The following PDIK1L variants were observed in gnomAD, a reference collection of about 807,000 sequenced individuals.
PDIK1L encodes the protein serine/threonine-protein kinase PDIK1L.
In PDIK1L, 9 loss-of-function variants were observed where a neutral mutation model predicts 27.1. The observed-to-expected ratio is 0.33, with a 90% CI of 0.20 to 0.58. The LOEUF is 0.58. Ranked by LOEUF, PDIK1L falls within the 20% of genes least tolerant of loss-of-function variation. PDIK1L has a pLI of 0.86. For synonymous variants in PDIK1L, 130 were observed against 141.7 expected, an observed-to-expected ratio of 0.92 and a Z score of 0.59; for missense variants, 216 against 413.2, an observed-to-expected ratio of 0.52 and a Z score of 4.14.
chr1:26,121,064 C>T (rs187963782), intron 2 of PDIK1L, among the ~76,000 whole-genome samples: 1 of 150,620 alleles, frequency 6.6e-6, no homozygotes, highest in East Asian at 2.0e-4. Context: ...ATAATAATAA[C>T]AAATAAAACT....
intron 1 of PDIK1L, chr1:26,112,406 C>T (rs888420180): frequency 6.6e-6 from 1 of 152,302 alleles, no homozygotes; most frequent in African/African-American, 2.4e-5. Context: ...TCGGATGCAT[C>T]ATTGGATCCG....
At chr1:26,119,860 T>A (rs59978831) in intron 2 of PDIK1L, among the ~76,000 whole-genome samples, 25,067 of 149,418 alleles carry the variant, frequency 0.17, 2,226 homozygotes, top group Middle Eastern at 0.24. Flanking sequence ...TCTGTCTCAA[T>A]AAAAAAAAAA....
At chr1:26,111,439 G>T (rs538353445), upstream of PDIK1L, 1 of 152,010 alleles carries the variant, frequency 6.6e-6, no homozygotes, top group Middle Eastern at 3.2e-3. This position sits in a 1 kb window ranked among gnomAD's most constrained non-coding sequence, Gnocchi z 4.0. Flanking sequence ...GAAGGGGGCG[G>T]GTAGAGGGAG....
In PDIK1L at chr1:26,124,793, G is replaced by A. The variant is rs1407452102; in HGVS notation, c.*2216G>A. On this transcript the variant is annotated 3_prime_UTR_variant, in exon 3 of 3. Transcript: ENST00000374269. ...TTTGTCTTTGTTCTTTCAGTCAGAG[G>A]TATTTATTAAGTACCTACTGTGTGC... 6.6e-6 allele frequency: 1 copy of A among 152,106 alleles called. No individual in the cohort carries two copies. Among genetic ancestry groups the A allele is most frequent in the African/African-American group, 2.4e-5 (1 of 41,408 alleles). 9.4% of individuals were successfully genotyped at this position (152,106 alleles called of 1,614,324 possible).
rs954344364 is a variant in PDIK1L, at chr1:26,122,674, T to C, written c.*97T>C. ...AAAAAGAATATAAAAAGCTAGACTC[T>C]ACCCTCTAAGGGTTTAGATTTTTTG... On this transcript the variant is annotated 3_prime_UTR_variant, in exon 3 of 3. Transcript: ENST00000374269. This position sits in a 1 kb window ranked among gnomAD's most constrained non-coding sequence, Gnocchi z 5.4. The C allele has an allele frequency of 6.3e-6, 9 of 1,419,686 alleles. No individual in the cohort carries two copies. The African/African-American group carries it at 1.1e-4, about 18-fold the overall frequency. The allele number at this position is 1,419,686 out of a possible 1,614,324, so 87.9% of individuals were successfully genotyped here.
At position 26,124,610 on chromosome 1, in the gene PDIK1L, G is replaced by A. The variant is rs970284463; in HGVS notation, c.*2033G>A. On this transcript the variant is annotated 3_prime_UTR_variant, in exon 3 of 3. Coordinates refer to ENST00000374269, the MANE Select transcript of PDIK1L (RefSeq NM_152835.5). Reference sequence around the variant, plus strand: ...CGCATAGTTTTTGGTCCTGCCTCATGTAAAATAGTTAATGATTATCATTTA... The same window carrying A: ...CGCATAGTTTTTGGTCCTGCCTCATATAAAATAGTTAATGATTATCATTTA... 8 of 152,188 alleles carry A rather than the reference G, an allele frequency of 5.3e-5. No individual in the cohort carries two copies. Among genetic ancestry groups the A allele is most frequent in the African/African-American group, 1.7e-4 (7 of 41,452 alleles). The allele number at this position is 152,188 out of a possible 1,614,324, so 9.4% of individuals were successfully genotyped here. A position where few individuals can be genotyped will look rare whatever the true frequency, so the allele number is the denominator to read the frequency against.
intron 2 of PDIK1L, among the ~76,000 whole-genome samples, chr1:26,118,413 G>C (rs2087917785): frequency 6.6e-6 from 1 of 152,186 alleles, no homozygotes; most frequent in African/African-American, 2.4e-5. Flanking sequence ...AAAGTTTTAA[G>C]ATGTAAAGGC....
At chr1:26,113,914 G>C (rs2087840166) in intron 1 of PDIK1L, among the ~76,000 whole-genome samples, 1 of 152,154 alleles carries the variant, frequency 6.6e-6, no homozygotes, top group African/African-American at 2.4e-5. Flanking sequence ...TTCAGATCGT[G>C]GTCGTCTGAG....
intron 2 of PDIK1L, among the ~76,000 whole-genome samples, chr1:26,118,061 A>G (rs572789506): frequency 6.6e-6 from 1 of 152,112 alleles, no homozygotes; most frequent in African/African-American, 2.4e-5. Context: ...CTGTCTCAAA[A>G]AAAAAAAAAA....
rs2088049834 is a variant in PDIK1L at position 26,124,774 on chromosome 1, T to C, written c.*2197T>C. On this transcript the variant is annotated 3_prime_UTR_variant, in exon 3 of 3. Coordinates refer to ENST00000374269, the MANE Select transcript of PDIK1L (RefSeq NM_152835.5). The stretch of plus-strand genomic sequence containing the variant: ...GCAAAATGATAGTAAATTCTTTGTC[T>C]TTGTTCTTTCAGTCAGAGGTATTTA... 6.6e-6 allele frequency: 1 copy of C among 152,216 alleles called. No individual in the cohort carries two copies. Among genetic ancestry groups the C allele is most frequent in the Non-Finnish European group, 1.5e-5 (1 of 68,028 alleles). 9.4% of individuals were successfully genotyped at this position (152,216 alleles called of 1,614,324 possible).
chr1:26,112,131 C>T (rs2087807411), intron 1 of PDIK1L, among the ~76,000 whole-genome samples: 1 of 152,208 alleles, frequency 6.6e-6, no homozygotes, highest in Admixed American at 6.5e-5. Context: ...GGAGTTGAGG[C>T]AACTGCAGGG....
At chr1:26,113,696 G>A (rs767737254) in intron 1 of PDIK1L, among the ~76,000 whole-genome samples, 1 of 152,226 alleles carries the variant, frequency 6.6e-6, no homozygotes, top group Non-Finnish European at 1.5e-5. Context: ...TTAAGCATAA[G>A]CCAGGTGTTT....
At chr1:26,113,313 C>T (rs2087826942) in intron 1 of PDIK1L, among the ~76,000 whole-genome samples, 1 of 151,066 alleles carries the variant, frequency 6.6e-6, no homozygotes, top group Admixed American at 6.6e-5. Flanking sequence ...CACAGTGAAA[C>T]CCCGTCTCTA....
At chr1:26,118,292 GC>G (rs1463719761) in intron 2 of PDIK1L, among the ~76,000 whole-genome samples, 4 of 152,102 alleles carry the variant, frequency 2.6e-5, no homozygotes, top group Non-Finnish European at 2.9e-5. Flanking sequence ...CTGCACTCTA[GC>G]CTTTATCACA....
Position 26,124,327 on chromosome 1 carries a change from C to G in PDIK1L, c.*1750C>G, listed in dbSNP as rs966510143. The G allele has an allele frequency of 6.6e-6, 1 of 152,084 alleles. No individual in the cohort carries two copies. The highest frequency in any genetic ancestry group is 1.5e-5 in the Non-Finnish European group (1 of 67,978). 9.4% of individuals were successfully genotyped at this position (152,084 alleles called of 1,614,324 possible). A position where few individuals can be genotyped will look rare whatever the true frequency, so the allele number is the denominator to read the frequency against. On this transcript the variant is annotated 3_prime_UTR_variant, in exon 3 of 3. Coordinates refer to ENST00000374269, the MANE Select transcript of PDIK1L (RefSeq NM_152835.5). ...ATATACTTTTAACATCACTTTTAAG[C>G]TAATAAATATAAGAATTCTTTTGGA...
chr1:26,122,190 T>C lies in PDIK1L; in HGVS notation c.639T>C (p.Cys213=). ...AAGAACCTGTCAGTGTAAACAAGTGTTTCCTTTCCACAGCATGTGGAACAG... is the reference window on the plus strand; with the variant it reads ...AAGAACCTGTCAGTGTAAACAAGTGCTTCCTTTCCACAGCATGTGGAACAG... ...NPEEPVSVNK[C]FLSTACGTDF... is the part of the protein sequence containing the mutation. The change falls in exon 3 of 3, where the codon TGT becomes TGC. Residue 213 remains cysteine (C), a synonymous_variant. Coordinates refer to ENST00000374269, the MANE Select transcript of PDIK1L (RefSeq NM_152835.5). This position sits in a 1 kb window ranked among gnomAD's most constrained non-coding sequence, Gnocchi z 5.4. 1 of 1,614,264 alleles carries C rather than the reference T, an allele frequency of 6.2e-7. No individual in the cohort carries two copies. Among genetic ancestry groups the C allele is most frequent in the Non-Finnish European group, 8.5e-7 (1 of 1,180,048 alleles).
At chr1:26,115,963 G>A (rs889143915) in intron 2 of PDIK1L, among the ~76,000 whole-genome samples, 1 of 152,138 alleles carries the variant, frequency 6.6e-6, no homozygotes, top group African/African-American at 2.4e-5. Context: ...CACTTTGGGA[G>A]GCCGAGGCAG....
Position 26,114,718 on chromosome 1 carries a change from G to C in PDIK1L, c.285+125G>C. 1.9e-6 allele frequency: 2 copies of C among 1,074,806 alleles called. No homozygotes were observed. Among genetic ancestry groups the C allele is most frequent in the Non-Finnish European group, 2.7e-6 (2 of 753,678 alleles). 66.6% of individuals were successfully genotyped at this position (1,074,806 alleles called of 1,614,324 possible). ...GGTGTTTGTAGTTAGAAGTAGATAA[G>C]TGTCTGCCAAGAATTGAGTAGATGT... On this transcript the variant is annotated intron_variant, in intron 2 of 2. Coordinates refer to ENST00000374269, the MANE Select transcript of PDIK1L (RefSeq NM_152835.5). This position sits in a 1 kb window ranked among gnomAD's most constrained non-coding sequence, Gnocchi z 4.8.
chr1:26,124,338 A>G lies in PDIK1L; in HGVS notation c.*1761A>G, dbSNP rs1007635535. The G allele has an allele frequency of 2.0e-5, 3 of 152,184 alleles. No homozygotes were observed. Among genetic ancestry groups the G allele is most frequent in the Non-Finnish European group, 2.9e-5 (2 of 68,018 alleles). The allele number at this position is 152,184 out of a possible 1,614,324, so 9.4% of individuals were successfully genotyped here. On this transcript the variant is annotated 3_prime_UTR_variant, in exon 3 of 3. Coordinates refer to ENST00000374269, the MANE Select transcript of PDIK1L (RefSeq NM_152835.5). ...ACATCACTTTTAAGCTAATAAATAT[A>G]AGAATTCTTTTGGAAATTAGAGGTG...
Sources: gnomAD v4.1 joint callset for allele counts (sites outside exome capture counted in the v4.1 genomes callset) on GRCh38, gnomAD v4.1.1 for gene constraint, Gnocchi (gnomAD v3.1) non-coding constraint, MANE v1.5 for transcripts, NCBI Gene and HGNC (gene_info 2026-07-23, HGNC 2026-07-21) for gene names.